NAA15: variants seen among roughly 807,000 people sequenced by gnomAD.
The protein encoded by NAA15 is N-terminal acetyltransferase.
A neutral mutation model predicts 114.0 loss-of-function variants in NAA15; 34 were observed. That is an observed-to-expected ratio of 0.30 (90% CI 0.23 to 0.40). NAA15 has a LOEUF of 0.40. Ranked by LOEUF, NAA15 falls within the 10% of genes least tolerant of loss-of-function variation. The pLI is 1.00. For missense variants in NAA15, 658 were observed against 1,004.5 expected (o/e 0.66, Z 4.66); for synonymous variants, 340 against 338.0 (o/e 1.01, Z -0.06).
At position 139,357,378 on chromosome 4, in the gene NAA15, C is replaced by T. The variant is rs370238193; in HGVS notation, c.1088-8C>T. 3 of 1,613,080 alleles carry T rather than the reference C, an allele frequency of 1.9e-6. No individual in the cohort carries two copies. Among genetic ancestry groups the T allele is most frequent in the Non-Finnish European group, 2.5e-6 (3 of 1,179,508 alleles). On this transcript the variant is annotated splice_polypyrimidine_tract_variant and splice_region_variant and intron_variant, in intron 10 of 19. Transcript: ENST00000296543. ...CTCATCTTGGTTTCTTCTCCCTCTT[C>T]TCCTAAGATGATGGAAAGGAGGAAC...
In NAA15 at chr4:139,384,838, G is replaced by C; in HGVS notation, c.2162G>C (p.Cys721Ser). 4 of 1,442,262 alleles carry C rather than the reference G, an allele frequency of 2.8e-6. No homozygotes were observed. Among genetic ancestry groups the C allele is most frequent in the Non-Finnish European group, 3.7e-6 (4 of 1,080,870 alleles). The allele number at this position is 1,442,262 out of a possible 1,614,324, so 89.3% of individuals were successfully genotyped here. A position where few individuals can be genotyped will look rare whatever the true frequency, so the allele number is the denominator to read the frequency against. ...CMIRLFNTAVCESKDLSDTVR... is the reference protein window; with the variant it reads ...CMIRLFNTAVSESKDLSDTVR... ...TTATTTTTAATTTATTCAGCAGTGTGTGAAAGTAAAGATTTATCTGATACA... is the reference window on the plus strand; with the variant it reads ...TTATTTTTAATTTATTCAGCAGTGTCTGAAAGTAAAGATTTATCTGATACA... The change falls in exon 18 of 20, where the codon TGT becomes TCT. Residue 721 changes from cysteine (C) to serine (S), a missense_variant. Cys to Ser is a moderately radical substitution (Grantham distance 112). Transcript: ENST00000296543.
rs901817257 is a variant in NAA15 at position 139,390,181 on chromosome 4, A to G, written c.*2097A>G. The stretch of plus-strand genomic sequence containing the variant: ...GTAGATTGTCTTAGAATGAATATTC[A>G]TAAGTACTCAGAACTCTTAAGATGC... On this transcript the variant is annotated 3_prime_UTR_variant, in exon 20 of 20. Coordinates refer to ENST00000296543, the MANE Select transcript of NAA15 (RefSeq NM_057175.5). 6.5e-6 allele frequency: 1 copy of G among 152,694 alleles called. No individual in the cohort carries two copies. Among genetic ancestry groups the G allele is most frequent in the Non-Finnish European group, 1.5e-5 (1 of 68,056 alleles). 9.5% of individuals were successfully genotyped at this position (152,694 alleles called of 1,614,324 possible). A position where few individuals can be genotyped will look rare whatever the true frequency, so the allele number is the denominator to read the frequency against.
At chr4:139,368,259 ACT>A (rs755966850) in intron 14 of NAA15, among the ~76,000 whole-genome samples, 2 of 152,206 alleles carry the variant, frequency 1.3e-5, no homozygotes, top group Non-Finnish European at 2.9e-5. Flanking sequence ...GTTTCTGAAG[ACT>A]CTGGGTCTCT....
rs35008407 is a variant in NAA15 at position 139,385,283 on chromosome 4, AAT to A, written c.2302+321_2302+322del. On this transcript the variant is annotated intron_variant, in intron 18 of 19. Transcript: ENST00000296543. ...AACAAAACCAAACATATATATATAT[AAT>A]ATATATATATATATAATATATATTA... Among the ~76,000 whole-genome samples the A allele has an allele frequency of 6.9e-3, 698 of 100,470 alleles. 36 individuals are homozygous for A. Among genetic ancestry groups the A allele is most frequent in the African/African-American group, 0.022 (597 of 26,716 alleles). The allele number at this position is 100,470 out of a possible 152,430, so 65.9% of individuals were successfully genotyped here. A position where few individuals can be genotyped will look rare whatever the true frequency, so the allele number is the denominator to read the frequency against.
In NAA15 at chr4:139,384,815, AT is replaced by A; in HGVS notation, c.2156-12del. 7.3e-7 allele frequency: 1 copy of A among 1,361,876 alleles called. No homozygotes were observed. Among genetic ancestry groups the A allele is most frequent in the Middle Eastern group, 2.1e-4 (1 of 4,868 alleles). The allele number at this position is 1,361,876 out of a possible 1,614,324, so 84.4% of individuals were successfully genotyped here. A position where few individuals can be genotyped will look rare whatever the true frequency, so the allele number is the denominator to read the frequency against. ...CAGAGTATTCAACTGCTAAGATTTT[AT>A]TTTTAATTTATTCAGCAGTGTGTGA... On this transcript the variant is annotated splice_polypyrimidine_tract_variant and intron_variant, in intron 17 of 19. Transcript: ENST00000296543.
intron 18 of NAA15, among the ~76,000 whole-genome samples, chr4:139,385,254 TCAAAA>T (rs1384727375): frequency 3.1e-5 from 4 of 127,408 alleles, no homozygotes; most frequent in Admixed American, 1.5e-4. Flanking sequence ...CTGTTTCAAA[TCAAAA>T]CAAAACCAAA....
intron 1 of NAA15, among the ~76,000 whole-genome samples, chr4:139,327,702 G>C (rs1056151341): frequency 2.0e-5 from 3 of 152,148 alleles, no homozygotes; most frequent in Admixed American, 1.3e-4. Flanking sequence ...GTCTCACTCT[G>C]TTGCCCAGGC....
Position 139,351,268 on chromosome 4 carries a change from C to T in NAA15, c.889C>T (p.Pro297Ser), listed in dbSNP as rs2110934361. Residue 297 changes from proline to serine, a missense_variant, in exon 8 of 20, where the codon CCG becomes TCG. Pro to Ser is a moderately conservative substitution (Grantham distance 74, BLOSUM62 -1). Around this residue, in one of 6 missense-constraint regions of NAA15, gnomAD observed 281 missense variants for 389.1 expected, o/e 0.72. Coordinates refer to ENST00000296543, the MANE Select transcript of NAA15 (RefSeq NM_057175.5). ...CAGGGGACTGGTGCCAAGAAGGCTG[C>T]CGTTAAACTTTTTATCTGGTAAGTG... ...YPRGLVPRRL[P>S]LNFLSGEKFK... The T allele has an allele frequency of 1.2e-6, 2 of 1,605,642 alleles. No individual in the cohort carries two copies. Among genetic ancestry groups the T allele is most frequent in the South Asian group, 1.1e-5 (1 of 89,352 alleles).
chr4:139,334,428 T>C (rs916843007), intron 2 of NAA15, among the ~76,000 whole-genome samples, 170 bp downstream of exon 2: 2 of 152,150 alleles, frequency 1.3e-5, no homozygotes, highest in Admixed American at 1.3e-4. Flanking sequence ...ATCAAGAAAA[T>C]GATAACACAT....
intron 1 of NAA15, among the ~76,000 whole-genome samples, chr4:139,332,630 T>A (rs952947684): frequency 7.6e-6 from 1 of 130,942 alleles, no homozygotes; most frequent in Non-Finnish European, 1.6e-5. Flanking sequence ...TTGCCCAGGC[T>A]GGAGTGTGGT....
intron 2 of NAA15, 131 bp downstream of exon 2, chr4:139,334,389 G>A: frequency 2.0e-6 from 1 of 489,408 alleles, no homozygotes; most frequent in South Asian, 5.0e-5. Flanking sequence ...GTGAGAAAGT[G>A]AAATTTAATA....
Position 139,387,913 on chromosome 4 carries a change from T to C in NAA15, c.2430T>C (p.Tyr810=), listed in dbSNP as rs1385908319. ...QTCMEVLEAL[Y]DGSLGDCKEA... is the part of the protein sequence containing the mutation. ...GTATGGAGGTATTGGAAGCCTTGTA[T>C]GATGGTAGCCTAGGAGACTGTAAAG... Residue 810 remains tyrosine, a synonymous_variant, in exon 20 of 20, where the codon TAT becomes TAC. Transcript: ENST00000296543. The C allele has an allele frequency of 6.2e-7, 1 of 1,614,050 alleles. No individual in the cohort carries two copies. The highest frequency in any genetic ancestry group is 1.7e-5 in the Admixed American group (1 of 60,022).
intron 6 of NAA15, among the ~76,000 whole-genome samples, chr4:139,347,322 G>A (rs571578822): frequency 1.3e-5 from 2 of 152,180 alleles, no homozygotes; most frequent in South Asian, 2.1e-4. Context: ...GTTGAGAACC[G>A]CTGGTACAGA....
rs543102116 is a variant in NAA15 at position 139,339,796 on chromosome 4, A to T, written c.245-1116A>T. ...ACAACAACAAAAAACAACAAAACCC[A>T]ATTACTTTGGTAGGAGAATAAAAGA... On this transcript the variant is annotated intron_variant, in intron 3 of 19. Coordinates refer to ENST00000296543, the MANE Select transcript of NAA15 (RefSeq NM_057175.5). Among the ~76,000 whole-genome samples the T allele has an allele frequency of 6.3e-4, 96 of 152,060 alleles. 1 individual carries two copies. The highest frequency in any genetic ancestry group is 3.1e-4 in the Non-Finnish European group (21 of 67,938).
rs1209611537 is a variant in NAA15 at position 139,390,497 on chromosome 4, GA to G, written c.*2419del. 1 of 152,538 alleles carries G rather than the reference GA, an allele frequency of 6.6e-6. No individual in the cohort carries two copies. Among genetic ancestry groups the G allele is most frequent in the Non-Finnish European group, 1.5e-5 (1 of 68,002 alleles). The allele number at this position is 152,538 out of a possible 1,614,324, so 9.4% of individuals were successfully genotyped here. On this transcript the variant is annotated 3_prime_UTR_variant, in exon 20 of 20. Coordinates refer to ENST00000296543, the MANE Select transcript of NAA15 (RefSeq NM_057175.5). ...AAAAACAGGGTTAGAAAAACAAGTG[GA>G]AAAAATGGAGTGATGTTGTAATCTA...
chr4:139,358,664 T>G (rs960147602), intron 11 of NAA15, among the ~76,000 whole-genome samples: 3 of 152,208 alleles, frequency 2.0e-5, no homozygotes, highest in Admixed American at 2.0e-4. Flanking sequence ...TTATGGCTCA[T>G]TAGTTTTGAA....
chr4:139,304,277 C>T (rs1473970994), intron 1 of NAA15, among the ~76,000 whole-genome samples: 3 of 152,232 alleles, frequency 2.0e-5, no homozygotes, highest in African/African-American at 7.2e-5. Context: ...GTAATAATCA[C>T]GTAGTTTAAG....
At chr4:139,339,070 C>A (rs918696728) in intron 3 of NAA15, among the ~76,000 whole-genome samples, 2 of 149,328 alleles carry the variant, frequency 1.3e-5, no homozygotes, top group South Asian at 4.3e-4. Context: ...CACTGCCTCC[C>A]AAAGTGCTGG....
At chr4:139,378,280 A>G (rs1748646676) in intron 16 of NAA15, among the ~76,000 whole-genome samples, 1 of 152,204 alleles carries the variant, frequency 6.6e-6, no homozygotes, top group Non-Finnish European at 1.5e-5. Flanking sequence ...TCAGAGAATG[A>G]CTGAAAAGAT....
Sources: allele counts gnomAD v4.1 joint callset (sites outside exome capture counted in the v4.1 genomes callset), GRCh38; gene constraint gnomAD v4.1.1; regional missense constraint gnomAD v4.1.1; transcripts MANE v1.5; gene names NCBI Gene and HGNC (gene_info 2026-07-23, HGNC 2026-07-21).